The following OTOA variants were observed in gnomAD, a reference collection of about 807,000 sequenced individuals.
The protein encoded by OTOA is cancer/testis antigen 108.
OTOA carries 70 observed loss-of-function variants against 110.8 expected under a neutral mutation model. The observed-to-expected ratio is 0.63, with a 90% CI of 0.52 to 0.77. The LOEUF (loss-of-function observed/expected upper bound fraction) is 0.77, where lower values mean the gene tolerates loss of function less well. OTOA is among the 30% of genes least tolerant of loss of function. The probability of loss-of-function intolerance (pLI) is 0.00; values close to 1 mark genes in which losing one functional copy is unlikely to be tolerated. For missense variants in OTOA, 917 were observed against 1,075.8 expected (o/e 0.85, Z 2.06); for synonymous variants, 373 against 431.5 (o/e 0.86, Z 1.68).
chr16:21,692,053 G>A (rs370514079), intron 9 of OTOA, among the ~76,000 whole-genome samples: 46 of 152,290 alleles, frequency 3.0e-4, no homozygotes, highest in Non-Finnish European at 4.3e-4. Flanking sequence ...GAGGCTGGGC[G>A]TGGTGGCTCA....
At chr16:21,717,682 G>A (rs1898600889) in intron 15 of OTOA, among the ~76,000 whole-genome samples, 1 of 152,176 alleles carries the variant, frequency 6.6e-6, no homozygotes. Context: ...TGCTGTTGAA[G>A]TGGATGCTCT....
chr16:21,702,492 C>T (rs959911914), intron 11 of OTOA, among the ~76,000 whole-genome samples: 4 of 152,088 alleles, frequency 2.6e-5, no homozygotes, highest in African/African-American at 9.7e-5. Flanking sequence ...AGCCAGACTT[C>T]GTGGCTTAAT....
At chr16:21,725,455 T>A (rs1898883842) in intron 18 of OTOA, among the ~76,000 whole-genome samples, 1 of 151,952 alleles carries the variant, frequency 6.6e-6, no homozygotes, top group Non-Finnish European at 1.5e-5. Flanking sequence ...CCCAGCTAAT[T>A]TTTTGAATTT....
intron 1 of OTOA, among the ~76,000 whole-genome samples, chr16:21,666,850 G>A (rs1966841044): frequency 2.0e-5 from 3 of 152,102 alleles, no homozygotes; most frequent in Admixed American, 2.0e-4. Flanking sequence ...AGATCCTGAT[G>A]GGCTGCAGTT....
In OTOA at chr16:21,681,812, T is replaced by C. The variant is rs1454649247; in HGVS notation, c.254T>C (p.Ile85Thr). The C allele has an allele frequency of 1.2e-6, 2 of 1,613,824 alleles. No individual in the cohort carries two copies. Among genetic ancestry groups the C allele is most frequent in the African/African-American group, 2.7e-5 (2 of 75,008 alleles). The change falls in exon 6 of 29, where the codon ATC becomes ACC. Residue 85 changes from isoleucine (I) to threonine (T), a missense_variant. Coordinates refer to ENST00000646100, the MANE Select transcript of OTOA (RefSeq NM_144672.4). ...AATTCCCGGAATGTTGCCTTCACCA[T>C]CCCCAGCCTGCAGGTGTGTACCTGA... ...YLNSRNVAFTIPSLQAAVENH... is the reference protein window; with the variant it reads ...YLNSRNVAFTTPSLQAAVENH...
intron 1 of OTOA, among the ~76,000 whole-genome samples, chr16:21,667,131 G>A (rs1445279045): frequency 5.9e-5 from 9 of 152,154 alleles, no homozygotes; most frequent in African/African-American, 2.2e-4. Flanking sequence ...TTACAGGATG[G>A]TGATGGTGGG....
intron 7 of OTOA, among the ~76,000 whole-genome samples, chr16:21,686,841 T>G (rs1441687547): frequency 2.0e-5 from 3 of 152,092 alleles, no homozygotes; most frequent in Non-Finnish European, 4.4e-5. Flanking sequence ...TGCAGTGAGC[T>G]ATAATCACAC....
At chr16:21,669,027 A>T (rs989101000) in intron 1 of OTOA, among the ~76,000 whole-genome samples, 7 of 151,998 alleles carry the variant, frequency 4.6e-5, no homozygotes, top group Non-Finnish European at 1.0e-4. Flanking sequence ...TGGTGATATC[A>T]TTCAGGGTTT....
chr16:21,725,667 T>G (rs1898890919), intron 18 of OTOA, among the ~76,000 whole-genome samples: 1 of 152,128 alleles, frequency 6.6e-6, no homozygotes, highest in Non-Finnish European at 1.5e-5. Flanking sequence ...TGGGATAGCA[T>G]AGAGGCGGAA....
At chr16:21,715,916 T>G (rs1351347895) in intron 14 of OTOA, among the ~76,000 whole-genome samples, 1 of 152,098 alleles carries the variant, frequency 6.6e-6, no homozygotes, top group Non-Finnish European at 1.5e-5. Context: ...TCTGTTTTTT[T>G]GTTTGTTTGT....
intron 11 of OTOA, among the ~76,000 whole-genome samples, chr16:21,702,097 G>A (rs796658460): frequency 4.6e-5 from 7 of 151,856 alleles, no homozygotes; most frequent in African/African-American, 1.7e-4. Flanking sequence ...TTACAGGCGT[G>A]TGCCACCACA....
In OTOA at chr16:21,690,217, C is replaced by T. The variant is rs140797633; in HGVS notation, c.636-1367C>T. Reference sequence around the variant, plus strand: ...TTTTGTTTTTAAGTTCTGGGGTACACGTGCAGGATGTGCAGGTTTGTTACA... The same window carrying T: ...TTTTGTTTTTAAGTTCTGGGGTACATGTGCAGGATGTGCAGGTTTGTTACA... On this transcript the variant is annotated intron_variant, in intron 8 of 28. Transcript: ENST00000646100. Among the ~76,000 whole-genome samples the T allele has an allele frequency of 2.1e-4, 32 of 152,116 alleles. No homozygotes were observed. In the East Asian group the frequency reaches 2.1e-3, roughly 10 times the overall value.
In OTOA at chr16:21,714,939, T is replaced by A. The variant is rs1898502846; in HGVS notation, c.1321-46T>A. 7 of 1,612,240 alleles carry A rather than the reference T, an allele frequency of 4.3e-6. No homozygotes were observed. In the East Asian group the frequency reaches 1.3e-4, roughly 31 times the overall value. ...ATGGGCTGAGTGCACGTTGGAGAGG[T>A]GAAAGGCGGGAGCAGAGCCTGACTG... On this transcript the variant is annotated intron_variant, in intron 13 of 28. Coordinates refer to ENST00000646100, the MANE Select transcript of OTOA (RefSeq NM_144672.4).
At chr16:21,728,750 A>C (rs967386071) in intron 20 of OTOA, among the ~76,000 whole-genome samples, 5 of 151,788 alleles carry the variant, frequency 3.3e-5, no homozygotes, top group Non-Finnish European at 7.4e-5. Context: ...CACCACGCCC[A>C]GCTATTTTTT....
chr16:21,750,017 T>C (rs1899778452), intron 24 of OTOA, among the ~76,000 whole-genome samples: 1 of 151,060 alleles, frequency 6.6e-6, no homozygotes, highest in African/African-American at 2.4e-5. Context: ...CTTCATAGGA[T>C]TGGCTTGGAT....
chr16:21,666,149 G>T (rs1228366232), intron 1 of OTOA, among the ~76,000 whole-genome samples: 1 of 151,972 alleles, frequency 6.6e-6, no homozygotes, highest in Non-Finnish European at 1.5e-5. Flanking sequence ...ACCACTGTGA[G>T]CTGGGCCATT....
chr16:21,736,413 A>G (rs759952426), intron 22 of OTOA, 23 bp downstream of exon 22: 2 of 1,614,064 alleles, frequency 1.2e-6, no homozygotes, highest in Admixed American at 3.3e-5. Context: ...AGGGTATCTG[A>G]GCCATTGCTG....
chr16:21,734,983 A>T (rs1033113937), intron 21 of OTOA, among the ~76,000 whole-genome samples: 21 of 151,362 alleles, frequency 1.4e-4, no homozygotes, highest in Admixed American at 2.6e-4. Flanking sequence ...CAATAAAAAT[A>T]AAAAAAAATT....
chr16:21,727,703 C>T (rs1233528649), intron 19 of OTOA, among the ~76,000 whole-genome samples: 12 of 152,064 alleles, frequency 7.9e-5, no homozygotes, highest in African/African-American at 2.4e-4. Context: ...GTGACAGCAG[C>T]GCTCAATTAC....
Sources: allele counts gnomAD v4.1 joint callset (sites outside exome capture counted in the v4.1 genomes callset), GRCh38; gene constraint gnomAD v4.1.1; transcripts MANE v1.5; gene names NCBI Gene and HGNC (gene_info 2026-07-23, HGNC 2026-07-21).